ZNF169: variants seen among roughly 807,000 people sequenced by gnomAD.
The protein encoded by ZNF169 is zinc finger protein 169.
Under a neutral mutation model 12.0 loss-of-function variants are expected in ZNF169, and 11 were observed. The ratio of observed to expected loss-of-function variants is 0.92; its 90% CI spans 0.58 to 1.52. ZNF169 has a LOEUF of 1.52. Ranked by LOEUF, ZNF169 falls within the 40% of genes most tolerant of loss-of-function variation. The probability of loss-of-function intolerance (pLI) is 0.00; values close to 1 mark genes in which losing one functional copy is unlikely to be tolerated. For missense variants in ZNF169, 722 were observed against 744.0 expected (o/e 0.97, Z 0.34); for synonymous variants, 302 against 286.5 (o/e 1.05, Z -0.55).
Position 94,288,774 on chromosome 9 carries a change from C to T in ZNF169, c.34-3567C>T, listed in dbSNP as rs141148054. ...ACCATGATTGTAAGTTTCCTGAGGC[C>T]TCCCATCCATGCTTCCTGTACAGCC... On this transcript the variant is annotated intron_variant, in intron 2 of 4. Coordinates refer to ENST00000395395, the MANE Select transcript of ZNF169 (RefSeq NM_194320.4). Among the ~76,000 whole-genome samples, 198 of 152,280 alleles carry T rather than the reference C, an allele frequency of 1.3e-3. 1 individual carries two copies. The highest frequency in any genetic ancestry group is 4.6e-3 in the African/African-American group (190 of 41,548).
Position 94,300,540 on chromosome 9 carries a change from C to T in ZNF169, c.982C>T (p.Arg328Cys), listed in dbSNP as rs1831045164. The change falls in exon 5 of 5, where the codon CGC becomes TGC. Residue 328 changes from arginine (R) to cysteine (C), a missense_variant. Physicochemically the swap from Arg to Cys is radical, Grantham distance 180. Transcript: ENST00000395395. ...FVCQECGRGFRQKIALLLHQR... is the reference protein window; with the variant it reads ...FVCQECGRGFCQKIALLLHQR... ...ATGTCAGGAGTGTGGGCGAGGCTTT[C>T]GCCAGAAGATAGCCCTCCTTCTACA... 2 of 1,613,312 alleles carry T rather than the reference C, an allele frequency of 1.2e-6. No homozygotes were observed. Among genetic ancestry groups the T allele is most frequent in the African/African-American group, 1.3e-5 (1 of 74,694 alleles).
At chr9:94,297,695 AACAT>A (rs1378544846) in intron 4 of ZNF169, among the ~76,000 whole-genome samples, 1 of 152,240 alleles carries the variant, frequency 6.6e-6, no homozygotes, top group Non-Finnish European at 1.5e-5. Flanking sequence ...CAAATAGAAT[AACAT>A]ATAAATCAGT....
At position 94,301,076 on chromosome 9, in the gene ZNF169, G is replaced by T; in HGVS notation, c.1518G>T (p.Arg506Ser). The change falls in exon 5 of 5, where the codon AGG becomes AGT. Residue 506 changes from arginine to serine, a missense_variant. Arg to Ser is a moderately radical substitution (Grantham distance 110). Transcript: ENST00000395395. The stretch of plus-strand genomic sequence containing the variant: ...AGTCGCTCCTCACCCGACACCAGAG[G>T]ACACACTCAGAGGAGGAGCTTTACG... The part of the protein sequence containing the change: ...GFKSLLTRHQ[R>S]THSEEELYVD... 1 of 1,614,198 alleles carries T rather than the reference G, an allele frequency of 6.2e-7. No individual in the cohort carries two copies. Among genetic ancestry groups the T allele is most frequent in the South Asian group, 1.1e-5 (1 of 91,086 alleles).
At chr9:94,279,112 A>C (rs1286002943) in intron 2 of ZNF169, among the ~76,000 whole-genome samples, 1 of 152,100 alleles carries the variant, frequency 6.6e-6, no homozygotes, top group Non-Finnish European at 1.5e-5. Context: ...GAAGGCCTAC[A>C]AAAGTATAGT....
chr9:94,267,072 C>A (rs1830307893), intron 1 of ZNF169, among the ~76,000 whole-genome samples: 1 of 152,152 alleles, frequency 6.6e-6, no homozygotes, highest in African/African-American at 2.4e-5. Flanking sequence ...CCACGCCCAG[C>A]TAACATGTAG....
chr9:94,299,483 C>A, intron 4 of ZNF169: 1 of 1,219,594 alleles, frequency 8.2e-7, no homozygotes, highest in Non-Finnish European at 1.0e-6. Flanking sequence ...GCATAAACAG[C>A]AGGCCGAACA....
chr9:94,274,062 T>G lies in ZNF169; in HGVS notation c.-55-4696T>G, dbSNP rs77107928. ...GGGTTGGTTTCTTCTGAGGCCTTTC[T>G]CCTTGGCTTATAGCTGGTCATCTCC... On this transcript the variant is annotated intron_variant, in intron 1 of 4. Transcript: ENST00000395395. Among the ~76,000 whole-genome samples, 717 of 152,336 alleles carry G rather than the reference T, an allele frequency of 4.7e-3. 5 individuals carry two copies. Among genetic ancestry groups the G allele is most frequent in the Middle Eastern group, 0.01 (3 of 294 alleles).
intron 2 of ZNF169, among the ~76,000 whole-genome samples, chr9:94,291,369 G>A (rs1830829760): frequency 6.6e-6 from 1 of 152,036 alleles, no homozygotes; most frequent in Non-Finnish European, 1.5e-5. Context: ...TATTCTTAAT[G>A]GTGAAAGATT....
chr9:94,289,197 G>A (rs1830779104), intron 2 of ZNF169, among the ~76,000 whole-genome samples: 1 of 151,762 alleles, frequency 6.6e-6, no homozygotes, highest in Non-Finnish European at 1.5e-5. Flanking sequence ...TCAGGAGTTT[G>A]AAACCAGCCT....
chr9:94,278,863 T>C lies in ZNF169; in HGVS notation c.33+18T>C, dbSNP rs780448990. 1 of 1,613,164 alleles carries C rather than the reference T, an allele frequency of 6.2e-7. No homozygotes were observed. The highest frequency in any genetic ancestry group is 1.1e-5 in the South Asian group (1 of 90,924). On this transcript the variant is annotated intron_variant, in intron 2 of 4. Transcript: ENST00000395395. ...GGAAGGAGGTAAGTCCTGAAATTTC[T>C]TCCTAGCTATTGCAGGAAGGTTTCA...
intron 2 of ZNF169, among the ~76,000 whole-genome samples, chr9:94,283,041 G>A (rs1564088106): frequency 6.6e-6 from 1 of 152,210 alleles, no homozygotes; most frequent in East Asian, 1.9e-4. Flanking sequence ...TTTGTCCTAT[G>A]GATTTACCTC....
intron 1 of ZNF169, among the ~76,000 whole-genome samples, chr9:94,272,445 T>A (rs1392349204): frequency 6.6e-6 from 1 of 152,190 alleles, no homozygotes; most frequent in East Asian, 1.9e-4. Context: ...CTCATTCTTT[T>A]CCTCTTCCCC....
chr9:94,262,036 CA>C (rs1830216269), intron 1 of ZNF169, among the ~76,000 whole-genome samples: 1 of 152,196 alleles, frequency 6.6e-6, no homozygotes, highest in African/African-American at 2.4e-5. Flanking sequence ...TTGTCCACTA[CA>C]AAGCTTTCCT....
At chr9:94,267,194 G>A (rs1236525455) in intron 1 of ZNF169, among the ~76,000 whole-genome samples, 2 of 152,190 alleles carry the variant, frequency 1.3e-5, no homozygotes, top group Non-Finnish European at 2.9e-5. Flanking sequence ...TATCAGTTGG[G>A]TGAATACCTC....
chr9:94,262,331 G>A (rs942751956), intron 1 of ZNF169, among the ~76,000 whole-genome samples: 1 of 152,216 alleles, frequency 6.6e-6, no homozygotes, highest in Non-Finnish European at 1.5e-5. Flanking sequence ...GATGGGAAAA[G>A]GGGGTTAGGC....
At chr9:94,298,478 C>T (rs193138637) in intron 4 of ZNF169, among the ~76,000 whole-genome samples, 1,573 of 151,654 alleles carry the variant, frequency 0.01, 27 homozygotes, top group African/African-American at 0.037. Flanking sequence ...GTCAGGAGTT[C>T]GAGACCAGCC....
chr9:94,276,528 G>T (rs1248700200), intron 1 of ZNF169, among the ~76,000 whole-genome samples: 1 of 152,092 alleles, frequency 6.6e-6, no homozygotes, highest in African/African-American at 2.4e-5. Flanking sequence ...CAAAGTGCTA[G>T]GATTACAGAC....
chr9:94,291,021 C>T (rs1231216946), intron 2 of ZNF169, among the ~76,000 whole-genome samples: 9 of 133,716 alleles, frequency 6.7e-5, no homozygotes, highest in Admixed American at 2.2e-4. Flanking sequence ...AACATCTACT[C>T]TGATTCTGGT....
At chr9:94,277,187 T>C (rs1347476383) in intron 1 of ZNF169, among the ~76,000 whole-genome samples, 1 of 152,192 alleles carries the variant, frequency 6.6e-6, no homozygotes, top group Non-Finnish European at 1.5e-5. Context: ...TTGGTTGAGT[T>C]TATCTGAAGA....
Sources: gnomAD v4.1 joint callset for allele counts (sites outside exome capture counted in the v4.1 genomes callset) on GRCh38, gnomAD v4.1.1 for gene constraint, MANE v1.5 for transcripts, NCBI Gene and HGNC (gene_info 2026-07-23, HGNC 2026-07-21) for gene names.